The following TSPAN10 variants were observed in gnomAD, a reference collection of about 807,000 sequenced individuals.
TSPAN10 encodes the protein tetraspanin-10.
TSPAN10 carries 11 observed loss-of-function variants against 15.0 expected under a neutral mutation model. That is an observed-to-expected ratio of 0.73 (90% CI 0.46 to 1.21). The LOEUF (loss-of-function observed/expected upper bound fraction) is 1.21. Among genes scored for constraint, TSPAN10 ranks in the 50% most tolerant of loss-of-function variants. The pLI, the probability that TSPAN10 is intolerant of heterozygous loss-of-function variation, is 0.00. For missense variants in TSPAN10, 486 were observed against 470.6 expected, an observed-to-expected ratio of 1.03 and a Z score of -0.30; for synonymous variants, 241 against 226.2, an observed-to-expected ratio of 1.07 and a Z score of -0.59.
chr17:81,647,943 T>G, exon 3 of TSPAN10: 1 of 1,609,168 alleles, frequency 6.2e-7, no homozygotes, highest in Non-Finnish European at 8.5e-7. Context: ...CCTGCAGCCT[T>G]CCCGCCTCCT....
chr17:81,643,058 G>A (rs2036196201), intron 1 of TSPAN10, among the ~76,000 whole-genome samples: 1 of 150,024 alleles, frequency 6.7e-6, no homozygotes, highest in Non-Finnish European at 1.5e-5. Context: ...AGGCTGGAGT[G>A]CAGTGGCACA....
chr17:81,640,296 C>G (rs1016996887), upstream of TSPAN10, among the ~76,000 whole-genome samples: 20 of 152,098 alleles, frequency 1.3e-4, no homozygotes, highest in African/African-American at 4.8e-4. Context: ...CAGGTTTCTT[C>G]TTATACCTCT....
exon 3 of TSPAN10, chr17:81,648,214 G>A (rs2144388806): frequency 1.5e-6 from 2 of 1,309,610 alleles, no homozygotes; most frequent in East Asian, 6.5e-5. Flanking sequence ...GTACGGCCCC[G>A]GAGCGCGCGG....
upstream of TSPAN10, among the ~76,000 whole-genome samples, chr17:81,639,448 C>T (rs1256849185): frequency 1.3e-5 from 2 of 151,864 alleles, no homozygotes; most frequent in African/African-American, 4.8e-5. Context: ...CCTCGTGATC[C>T]ACCCGCCTCA....
upstream of TSPAN10, among the ~76,000 whole-genome samples, chr17:81,639,491 C>T (rs2036157505): frequency 6.6e-6 from 1 of 151,908 alleles, no homozygotes; most frequent in Non-Finnish European, 1.5e-5. Flanking sequence ...TAGGCATGAG[C>T]CACCATGCCC....
At chr17:81,645,474 C>A in exon 2 of TSPAN10, 1 of 1,581,554 alleles carries the variant, frequency 6.3e-7, no homozygotes, top group Non-Finnish European at 8.6e-7. Flanking sequence ...TGGTGGTGGC[C>A]CTCTGGGGCC....
upstream of TSPAN10, among the ~76,000 whole-genome samples, chr17:81,639,991 A>G (rs9747119): frequency 0.46 from 68,642 of 150,452 alleles, 17,167 homozygotes; most frequent in East Asian, 0.77. Context: ...AAAAAAAAAA[A>G]AAAAGAAAAG....
chr17:81,648,077 G>A, exon 3 of TSPAN10: 1 of 1,591,186 alleles, frequency 6.3e-7, no homozygotes, highest in African/African-American at 1.3e-5. Flanking sequence ...CCGCCGCTCC[G>A]GCGGTGGCTG....
intron 1 of TSPAN10, among the ~76,000 whole-genome samples, chr17:81,643,729 G>A (rs2036204858): frequency 6.6e-6 from 1 of 152,158 alleles, no homozygotes; most frequent in African/African-American, 2.4e-5. Flanking sequence ...GCTGCAGTGA[G>A]CTGAGAGCCT....
chr17:81,637,395 C>A, exon 1 of TSPAN10: 1 of 700,856 alleles, frequency 1.4e-6, no homozygotes, highest in Non-Finnish European at 2.6e-6. Flanking sequence ...CCAAACTTCT[C>A]TCCATGCACA....
exon 3 of TSPAN10, chr17:81,647,978 G>A (rs528873982): frequency 1.2e-6 from 2 of 1,611,434 alleles, no homozygotes; most frequent in Admixed American, 1.7e-5. Context: ...CGCGAAGATG[G>A]AGCCTCTGTC....
chr17:81,644,960 G>T (rs183222871), intron 1 of TSPAN10, 32 bp from the exon 3 acceptor site: 55 of 1,605,772 alleles, frequency 3.4e-5, no homozygotes, highest in Non-Finnish European at 4.2e-5. Context: ...CTGGGTGAAT[G>T]CGGTCTCACC....
At chr17:81,637,285 A>C (rs1390275749) in exon 1 of TSPAN10, 1 of 624,026 alleles carries the variant, frequency 1.6e-6, no homozygotes, top group Non-Finnish European at 2.9e-6. Flanking sequence ...CAAGCGGCAC[A>C]GGAAAGTCCA....
At chr17:81,642,186 A>T (rs999355528), upstream of TSPAN10, 10 of 516,838 alleles carry the variant, frequency 1.9e-5, no homozygotes, top group Admixed American at 3.3e-5. Context: ...ATATATCTCC[A>T]CAAGCAGAGG....
chr17:81,642,758 A>C (rs995157938), intron 1 of TSPAN10, among the ~76,000 whole-genome samples: 7 of 152,068 alleles, frequency 4.6e-5, no homozygotes, highest in African/African-American at 1.7e-4. Flanking sequence ...CCAGCCTCCA[A>C]CGGCCTCTGG....
upstream of TSPAN10, chr17:81,642,325 T>C: frequency 6.5e-7 from 1 of 1,531,158 alleles, no homozygotes; most frequent in South Asian, 1.1e-5. Context: ...AGGGCCGCAG[T>C]CAGGACCAGC....
At chr17:81,644,218 C>T (rs543699989) in intron 1 of TSPAN10, among the ~76,000 whole-genome samples, 4 of 152,244 alleles carry the variant, frequency 2.6e-5, no homozygotes, top group African/African-American at 9.6e-5. Context: ...GCGGGGCTGC[C>T]TCTTCCCCCA....
chr17:81,639,056 C>G (rs547593657), upstream of TSPAN10: 162 of 152,058 alleles, frequency 1.1e-3, no homozygotes, highest in African/African-American at 3.7e-3. Context: ...CAGCCTACAC[C>G]CAGGAATGAA....
At position 81,648,200 on chromosome 17, in the gene TSPAN10, C is replaced by G; in HGVS notation, c.974C>G (p.Ala325Gly). The change falls in exon 3 of 3, where the codon GCG (alanine) becomes GGG (glycine). Residue 325 changes from alanine to glycine, a missense_variant. By Grantham distance (60) the Ala-to-Gly change is moderately conservative. Coordinates refer to ENST00000611590, the Ensembl canonical transcript of TSPAN10. ...GGGGCCCTCGCTGCCCGCAGGGGGG[C>G]GGCGTACGGCCCCGGAGCGCGCGGG... 5 of 1,379,828 alleles carry G rather than the reference C, an allele frequency of 3.6e-6. No homozygotes were observed. The African/African-American group carries it at 7.7e-5, about 21-fold the overall frequency. The allele number at this position is 1,379,828 out of a possible 1,614,324, so 85.5% of individuals were successfully genotyped here. A position where few individuals can be genotyped will look rare whatever the true frequency, so the allele number is the denominator to read the frequency against.
Sources: allele counts gnomAD v4.1 joint callset (sites outside exome capture counted in the v4.1 genomes callset), GRCh38; gene constraint gnomAD v4.1.1; transcripts MANE v1.5; gene names NCBI Gene and HGNC (gene_info 2026-07-23, HGNC 2026-07-21).